The following XIAP variants were observed in gnomAD, a reference collection of about 807,000 sequenced individuals.
XIAP encodes E3 ubiquitin-protein ligase XIAP.
A neutral mutation model predicts 33.1 loss-of-function variants in XIAP; 3 were observed. That is an observed-to-expected ratio of 0.09 (90% CI 0.04 to 0.23). The LOEUF (loss-of-function observed/expected upper bound fraction) is 0.23, where lower values mean the gene tolerates loss of function less well. Among genes scored for constraint, XIAP ranks in the 10% least tolerant of loss-of-function variants. The probability of loss-of-function intolerance (pLI) is 1.00; values close to 1 mark genes in which losing one functional copy is unlikely to be tolerated. For missense variants in XIAP, 264 were observed against 363.0 expected (o/e 0.73, Z 2.22); for synonymous variants, 98 against 121.3 (o/e 0.81, Z 1.26).
intron 4 of XIAP, among the ~76,000 whole-genome samples, 200 bp from the exon 5 acceptor site, chrX:123,892,530 GT>G (rs1194308907): frequency 1.8e-5 from 2 of 111,452 alleles, no homozygotes; most frequent in African/African-American, 6.5e-5. Context: ...TCAGCTTTTT[GT>G]TTGTAAAATG....
chrX:123,865,590 G>C (rs2053127669), intron 1 of XIAP, among the ~76,000 whole-genome samples: 1 of 108,524 alleles, frequency 9.2e-6, no homozygotes, highest in African/African-American at 3.3e-5. Flanking sequence ...TGGGCGTGGT[G>C]GCAGGCGCCT....
At chrX:123,871,933 T>G (rs1324345565) in intron 1 of XIAP, among the ~76,000 whole-genome samples, 1 of 109,907 alleles carries the variant, frequency 9.1e-6, no homozygotes, top group Non-Finnish European at 1.9e-5. Context: ...AAACCCCATC[T>G]CTACTAAAAA....
At chrX:123,906,008 A>G (rs754949703) in intron 6 of XIAP, among the ~76,000 whole-genome samples, 4 of 112,772 alleles carry the variant, frequency 3.5e-5, no homozygotes, top group Non-Finnish European at 7.5e-5. Flanking sequence ...TAATGATTAT[A>G]AAGATGCTAA....
Position 123,913,857 on chromosome X carries a change from C to G in XIAP, c.*6676C>G, listed in dbSNP as rs1350277495. On this transcript the variant is annotated 3_prime_UTR_variant, in exon 7 of 7. Transcript: ENST00000371199. ...ATGGTTTTTTTCACTTAGAACCTTT[C>G]TGTGTGGAAAACTAAGAAAATTGCT... 3.2e-6 allele frequency: 1 copy of G among 316,164 alleles called. No individual in the cohort carries two copies. Among genetic ancestry groups the G allele is most frequent in the South Asian group, 2.9e-5 (1 of 34,806 alleles). The allele number at this position is 316,164 out of a possible 1,213,427, so 26.1% of individuals were successfully genotyped here.
Position 123,873,270 on chromosome X carries a change from G to C in XIAP, c.-32-12361G>C, listed in dbSNP as rs775908364. ...TGGTCTCGAACTCCTGACCTCAGAT[G>C]ATCCTCCCGCCTCGGCCTCCCAAAG... On this transcript the variant is annotated intron_variant, in intron 1 of 6. Transcript: ENST00000371199. Among the ~76,000 whole-genome samples the C allele has an allele frequency of 1.1e-4, 12 of 109,457 alleles. No homozygotes were observed. The East Asian group carries it at 3.6e-3, about 33-fold the overall frequency.
At chrX:123,884,522 A>C (rs755429904) in intron 1 of XIAP, among the ~76,000 whole-genome samples, 2 of 111,184 alleles carry the variant, frequency 1.8e-5, no homozygotes, top group East Asian at 5.6e-4. Context: ...CATAATATAG[A>C]GACAGAGTCA....
intron 1 of XIAP, among the ~76,000 whole-genome samples, chrX:123,882,678 T>A (rs966326897): frequency 1.8e-5 from 2 of 112,922 alleles, no homozygotes; most frequent in African/African-American, 6.4e-5. Context: ...TGGCTTATGA[T>A]GAATTTGTAA....
chrX:123,899,796 G>C (rs2053500584), intron 5 of XIAP, among the ~76,000 whole-genome samples: 1 of 108,099 alleles, frequency 9.3e-6, no homozygotes, highest in African/African-American at 3.4e-5. Flanking sequence ...ATGGACATTT[G>C]AGTTGTTTCC....
intron 1 of XIAP, among the ~76,000 whole-genome samples, chrX:123,866,686 A>G (rs866671843): frequency 4.8e-5 from 5 of 103,433 alleles, no homozygotes; most frequent in East Asian, 2.9e-4. Flanking sequence ...CATATATAAT[A>G]TATATATTTT....
At chrX:123,900,170 T>A (rs1314637478) in intron 5 of XIAP, among the ~76,000 whole-genome samples, 1 of 112,219 alleles carries the variant, frequency 8.9e-6, no homozygotes, top group Non-Finnish European at 1.9e-5. Flanking sequence ...GGTTAATTGT[T>A]AATGAGTACA....
chrX:123,902,208 CTG>C (rs995488416), intron 6 of XIAP, among the ~76,000 whole-genome samples: 2 of 111,826 alleles, frequency 1.8e-5, no homozygotes, highest in African/African-American at 3.3e-5. Context: ...GATCAAGAGA[CTG>C]TGCATTAGGG....
intron 6 of XIAP, among the ~76,000 whole-genome samples, chrX:123,903,486 C>T (rs772826831): frequency 3.1e-4 from 34 of 109,798 alleles, no homozygotes; most frequent in Admixed American, 8.9e-4. Flanking sequence ...CTGCACCCAG[C>T]CCATTTTATA....
At position 123,891,384 on chromosome X, in the gene XIAP, G is replaced by A. The variant is rs887040570; in HGVS notation, c.1056+68G>A. The A allele has an allele frequency of 1.2e-5, 6 of 519,125 alleles. No homozygotes were observed. In the African/African-American group the frequency reaches 1.4e-4, roughly 12 times the overall value. The allele number at this position is 519,125 out of a possible 1,213,427, so 42.8% of individuals were successfully genotyped here. A position where few individuals can be genotyped will look rare whatever the true frequency, so the allele number is the denominator to read the frequency against. On this transcript the variant is annotated intron_variant, in intron 4 of 6. Coordinates refer to ENST00000371199, the MANE Select transcript of XIAP (RefSeq NM_001167.4). ...TTATAATTTATATTTTCATTATGTA[G>A]TTTATATTATATCATTTGTTTTATA... is the stretch of plus-strand genomic sequence containing the variant.
chrX:123,859,859 C>T, upstream of XIAP: 3 of 249,648 alleles, frequency 1.2e-5, no homozygotes, highest in East Asian at 1.1e-4. Flanking sequence ...ACCTTGGCGG[C>T]GCCCGGAGCC....
chrX:123,905,799 G>A (rs1016921492), intron 6 of XIAP, among the ~76,000 whole-genome samples: 34 of 112,310 alleles, frequency 3.0e-4, no homozygotes, highest in Non-Finnish European at 9.4e-5. Flanking sequence ...GAAATGCCTT[G>A]TACATTTCTA....
rs760149985 is a variant in XIAP at position 123,913,308 on chromosome X, C to T, written c.*6127C>T. 2.5e-4 allele frequency: 80 copies of T among 325,461 alleles called. No homozygotes were observed. The highest frequency in any genetic ancestry group is 1.9e-3 in the South Asian group (74 of 38,038). The allele number at this position is 325,461 out of a possible 1,213,427, so 26.8% of individuals were successfully genotyped here. A position where few individuals can be genotyped will look rare whatever the true frequency, so the allele number is the denominator to read the frequency against. On this transcript the variant is annotated 3_prime_UTR_variant, in exon 7 of 7. Coordinates refer to ENST00000371199, the MANE Select transcript of XIAP (RefSeq NM_001167.4). ...CCAACATGCTGAAACCCTGTCTGTA[C>T]AAAAATACAAAAATAGCTGGGCATG... is the stretch of plus-strand genomic sequence containing the variant.
chrX:123,895,286 C>T (rs901375760), intron 5 of XIAP, among the ~76,000 whole-genome samples: 3 of 111,960 alleles, frequency 2.7e-5, no homozygotes, highest in Non-Finnish European at 5.6e-5. Flanking sequence ...GTACTTCATT[C>T]TTTTCTATTG....
At chrX:123,874,468 T>G (rs1198369156) in intron 1 of XIAP, 3 of 111,174 alleles carry the variant, frequency 2.7e-5, no homozygotes, top group Non-Finnish European at 5.6e-5. Context: ...GGTGCTCGCT[T>G]TGGCAGTACA....
chrX:123,864,715 G>A (rs1290483918), intron 1 of XIAP, among the ~76,000 whole-genome samples: 2 of 103,189 alleles, frequency 1.9e-5, no homozygotes, highest in African/African-American at 7.1e-5. Context: ...GTGTGTGTGT[G>A]TGTTTTAGTA....
Sources: allele counts gnomAD v4.1 joint callset (sites outside exome capture counted in the v4.1 genomes callset), GRCh38; gene constraint gnomAD v4.1.1; transcripts MANE v1.5; gene names NCBI Gene and HGNC (gene_info 2026-07-23, HGNC 2026-07-21).